The following SDK2 variants were observed in gnomAD, a reference collection of about 807,000 sequenced individuals.
The protein encoded by SDK2 is sidekick cell adhesion molecule 2.
SDK2 carries 105 observed loss-of-function variants against 253.9 expected under a neutral mutation model. The ratio of observed to expected loss-of-function variants is 0.41; its 90% confidence interval spans 0.35 to 0.49. The LOEUF is 0.49. Ranked by LOEUF, SDK2 falls within the 20% of genes least tolerant of loss-of-function variation. The pLI is 0.06. For synonymous variants in SDK2, 1,249 were observed against 1,234.9 expected (o/e 1.01, Z -0.24); for missense variants, 2,608 against 3,003.0 (o/e 0.87, Z 3.07).
chr17:73,480,745 A>T (rs2063717178), intron 2 of SDK2, among the ~76,000 whole-genome samples: 1 of 152,056 alleles, frequency 6.6e-6, no homozygotes, highest in South Asian at 2.1e-4. Flanking sequence ...AGTCAGAGAA[A>T]GAGACAAAGA....
rs577827930 is a variant in SDK2, at chr17:73,549,971, C to A, written c.65-42374G>T. On this transcript the variant is annotated intron_variant, in intron 1 of 44. Coordinates refer to ENST00000392650, the MANE Select transcript of SDK2 (RefSeq NM_001144952.2). Reference sequence around the variant, plus strand: ...CTGGAATGAGACTGTGGGTGAGGACCGCCGGGGGTGCATAGAGGCAGATGC... The same window carrying A: ...CTGGAATGAGACTGTGGGTGAGGACAGCCGGGGGTGCATAGAGGCAGATGC... Among the ~76,000 whole-genome samples the A allele has an allele frequency of 1.9e-4, 29 of 152,150 alleles. No homozygotes were observed. The East Asian group carries it at 3.9e-3, about 20-fold the overall frequency.
rs147076298 is a variant in SDK2 at position 73,423,412 on chromosome 17, C to A, written c.1871G>T (p.Arg624Leu). The A allele has an allele frequency of 1.7e-5, 26 of 1,544,054 alleles. No individual in the cohort carries two copies. The African/African-American group carries it at 2.3e-4, about 14-fold the overall frequency. Residue 624 changes from arginine (R) to leucine (L), a missense_variant, in exon 14 of 45, where the codon CGC (arginine) becomes CTC (leucine). Arg to Leu is a moderately radical substitution (Grantham distance 102). Coordinates refer to ENST00000392650, the MANE Select transcript of SDK2 (RefSeq NM_001144952.2). ...KPFDGNSPLI[R>L]YILEMSENNA... ...GTTCTCCGACATCTCCAGAATGTAG[C>A]GGATCAGGGGGCTGTTGCCATCAAA...
At position 73,570,839 on chromosome 17, in the gene SDK2, C is replaced by T. The variant is rs1371629709; in HGVS notation, c.65-63242G>A. On this transcript the variant is annotated intron_variant, in intron 1 of 44. Transcript: ENST00000392650. This position sits in a 1 kb window ranked among gnomAD's most constrained non-coding sequence, Gnocchi z 4.2. ...TGAACTGAGTTTAGCCCGAAATGCT[C>T]CTCCCAGGCCTGCAGGGACATGGCT... Among the ~76,000 whole-genome samples, 1 of 152,182 alleles carries T rather than the reference C, an allele frequency of 6.6e-6. No homozygotes were observed. Among genetic ancestry groups the T allele is most frequent in the Non-Finnish European group, 1.5e-5 (1 of 68,022 alleles).
chr17:73,391,592 G>A (rs889203153), intron 27 of SDK2, 54 bp from the exon 28 acceptor site: 5 of 1,001,348 alleles, frequency 5.0e-6, no homozygotes, highest in Non-Finnish European at 6.6e-6. Flanking sequence ...CTCAGCTGGG[G>A]ATGAGCCCAG....
chr17:73,471,608 CA>C (rs2063651678), intron 3 of SDK2, among the ~76,000 whole-genome samples: 1 of 151,968 alleles, frequency 6.6e-6, no homozygotes. Flanking sequence ...AAAACAAAAA[CA>C]AAAACAAAAT....
chr17:73,379,324 G>A lies in SDK2; in HGVS notation c.4865-32C>T, dbSNP rs886818509. On this transcript the variant is annotated intron_variant, in intron 35 of 44. Transcript: ENST00000392650. This position sits in a 1 kb window ranked among gnomAD's most constrained non-coding sequence, Gnocchi z 4.5. ...GGCGTGCAGGGTAGGCAGTGAGCATGCGAGTAAACCTGGGAGGGGAGGTGG... is the reference window on the plus strand; with the variant it reads ...GGCGTGCAGGGTAGGCAGTGAGCATACGAGTAAACCTGGGAGGGGAGGTGG... 5.9e-6 allele frequency: 9 copies of A among 1,521,468 alleles called. No homozygotes were observed. The Middle Eastern group carries it at 6.8e-4, about 114-fold the overall frequency. 94.2% of individuals were successfully genotyped at this position (1,521,468 alleles called of 1,614,324 possible). A position where few individuals can be genotyped will look rare whatever the true frequency, so the allele number is the denominator to read the frequency against.
At chr17:73,397,353 A>C (rs2062979441) in intron 24 of SDK2, among the ~76,000 whole-genome samples, 1 of 152,204 alleles carries the variant, frequency 6.6e-6, no homozygotes, top group Non-Finnish European at 1.5e-5. Context: ...CCCGATGGTT[A>C]GGGCTGTGGA....
rs542063057 is a variant in SDK2, at chr17:73,596,251, C to T, written c.64+47774G>A. ...GGGTGAGTGGGGAGGCAGTGGCGAC[C>T]TCTATGAGAGAAGGCAGCCTGGCAT... On this transcript the variant is annotated intron_variant, in intron 1 of 44. Coordinates refer to ENST00000392650, the MANE Select transcript of SDK2 (RefSeq NM_001144952.2). Among the ~76,000 whole-genome samples, 7 of 152,184 alleles carry T rather than the reference C, an allele frequency of 4.6e-5. No homozygotes were observed. In the East Asian group the frequency reaches 1.4e-3, roughly 30 times the overall value.
chr17:73,508,056 C>T (rs1294870204), intron 1 of SDK2, among the ~76,000 whole-genome samples: 1 of 152,244 alleles, frequency 6.6e-6, no homozygotes, highest in Non-Finnish European at 1.5e-5. Flanking sequence ...GAGTCCTGCT[C>T]CCCAAGGCTG....
At chr17:73,532,367 T>G (rs1212758796) in intron 1 of SDK2, among the ~76,000 whole-genome samples, 1 of 152,110 alleles carries the variant, frequency 6.6e-6, no homozygotes, top group Non-Finnish European at 1.5e-5. Context: ...GTCTGCTGAG[T>G]GAACATCCCC....
intron 1 of SDK2, among the ~76,000 whole-genome samples, chr17:73,566,319 ATGTGTG>A (rs55940592): frequency 2.2e-4 from 30 of 139,306 alleles, no homozygotes; most frequent in Admixed American, 4.3e-4. Flanking sequence ...TTATATATAT[ATGTGTG>A]TGTGTGTGTG....
chr17:73,552,258 C>A (rs1403345071), intron 1 of SDK2, among the ~76,000 whole-genome samples: 1 of 152,216 alleles, frequency 6.6e-6, no homozygotes, highest in African/African-American at 2.4e-5. Flanking sequence ...TTAATAGGAA[C>A]CACTGCATTT....
At chr17:73,462,466 G>A (rs2063570677) in intron 3 of SDK2, among the ~76,000 whole-genome samples, 1 of 151,884 alleles carries the variant, frequency 6.6e-6, no homozygotes, top group Non-Finnish European at 1.5e-5. Flanking sequence ...ACACATACAT[G>A]TTTATATGTA....
Position 73,643,980 on chromosome 17 carries a change from C to T in SDK2, c.64+45G>A, listed in dbSNP as rs1254027825. 9 of 1,323,480 alleles carry T rather than the reference C, an allele frequency of 6.8e-6. No individual in the cohort carries two copies. Among genetic ancestry groups the T allele is most frequent in the Non-Finnish European group, 8.4e-6 (8 of 952,552 alleles). 82.0% of individuals were successfully genotyped at this position (1,323,480 alleles called of 1,614,324 possible). ...GCTCCCGCCGCCCCTCCCCCGCCCA[C>T]TCTCCCAGCCCCCTCCCTGTCCCCA... On this transcript the variant is annotated intron_variant, in intron 1 of 44. Coordinates refer to ENST00000392650, the MANE Select transcript of SDK2 (RefSeq NM_001144952.2). The surrounding 1 kb of genome is among the most constrained non-coding windows in gnomAD (Gnocchi z 6.9).
chr17:73,538,624 G>T (rs144932398), intron 1 of SDK2, among the ~76,000 whole-genome samples: 2 of 152,180 alleles, frequency 1.3e-5, no homozygotes, highest in Admixed American at 1.3e-4. Context: ...ACAACTTCTC[G>T]CCCACGCCTA....
chr17:73,571,595 T>G (rs561006178), intron 1 of SDK2, among the ~76,000 whole-genome samples: 1 of 152,288 alleles, frequency 6.6e-6, no homozygotes, highest in East Asian at 1.9e-4. Flanking sequence ...TACAGCTCAC[T>G]TAGCTGTAAA....
chr17:73,429,373 T>C (rs1388542929), intron 12 of SDK2, among the ~76,000 whole-genome samples: 4 of 152,362 alleles, frequency 2.6e-5, no homozygotes, highest in Admixed American at 2.6e-4. Flanking sequence ...TTTGCATTTG[T>C]GCTAGCGTCA....
chr17:73,444,290 G>A (rs567581356), intron 5 of SDK2, among the ~76,000 whole-genome samples: 1 of 152,212 alleles, frequency 6.6e-6, no homozygotes, highest in Non-Finnish European at 1.5e-5. Flanking sequence ...GAGACAGCGG[G>A]AGTTGAGTGG....
At chr17:73,356,460 G>T (rs557756874) in intron 40 of SDK2, among the ~76,000 whole-genome samples, 11 of 152,316 alleles carry the variant, frequency 7.2e-5, no homozygotes, top group African/African-American at 2.4e-4. Flanking sequence ...TGGGTCTGCA[G>T]CGCCTGGCAG....
Sources: gnomAD v4.1 joint callset for allele counts (sites outside exome capture counted in the v4.1 genomes callset) on GRCh38, gnomAD v4.1.1 for gene constraint, Gnocchi (gnomAD v3.1) non-coding constraint, MANE v1.5 for transcripts, NCBI Gene and HGNC (gene_info 2026-07-23, HGNC 2026-07-21) for gene names.